NSUN3: variants seen among roughly 807,000 people sequenced by gnomAD.
NSUN3 encodes the protein NOP2/Sun RNA methyltransferase 3, also known as tRNA (cytosine(34)-C(5))-methyltransferase, mitochondrial.
In NSUN3, 24 loss-of-function variants were observed where a neutral mutation model predicts 36.8. The observed-to-expected ratio is 0.65, with a 90% CI of 0.47 to 0.92. NSUN3 has a LOEUF of 0.92. Among genes scored for constraint, NSUN3 ranks in the 40% least tolerant of loss-of-function variants. The pLI, the probability that NSUN3 is intolerant of heterozygous loss-of-function variation, is 0.00. For synonymous variants in NSUN3, 146 were observed against 145.2 expected (o/e 1.01, Z -0.04); for missense variants, 381 against 392.8 (o/e 0.97, Z 0.25).
intron 5 of NSUN3, among the ~76,000 whole-genome samples, chr3:94,112,483 A>G (rs377763828): frequency 3.9e-5 from 6 of 152,316 alleles, no homozygotes; most frequent in African/African-American, 1.4e-4. Context: ...GACTTAAATA[A>G]GAATCTGAGT....
chr3:94,106,812 C>T (rs930156869), intron 5 of NSUN3, among the ~76,000 whole-genome samples: 1 of 150,472 alleles, frequency 6.6e-6, no homozygotes, highest in Non-Finnish European at 1.5e-5. Flanking sequence ...AACAGAAATA[C>T]TGGAAAGGAA....
intron 5 of NSUN3, among the ~76,000 whole-genome samples, chr3:94,112,966 G>A (rs1388634976): frequency 7.9e-5 from 12 of 152,142 alleles, no homozygotes; most frequent in African/African-American, 2.7e-4. Flanking sequence ...CCGGGTTCAT[G>A]CCATTCTCCT....
chr3:94,094,324 G>T, intron 4 of NSUN3, 30 bp downstream of exon 4: 1 of 1,594,532 alleles, frequency 6.3e-7, no homozygotes, highest in South Asian at 1.1e-5. Context: ...ACAAACTGAT[G>T]GACGCCCAGT....
At chr3:94,073,070 G>A (rs1175245888) in intron 2 of NSUN3, among the ~76,000 whole-genome samples, 2 of 152,096 alleles carry the variant, frequency 1.3e-5, no homozygotes, top group Non-Finnish European at 2.9e-5. Context: ...TTTCTGTTCT[G>A]TGATAGTTTG....
chr3:94,113,276 A>G (rs1261394836), intron 5 of NSUN3, among the ~76,000 whole-genome samples: 2 of 152,200 alleles, frequency 1.3e-5, no homozygotes, highest in Non-Finnish European at 2.9e-5. Flanking sequence ...CTGCCATTAA[A>G]AGTATGAGCT....
chr3:94,097,405 T>G (rs2077346899), intron 5 of NSUN3, among the ~76,000 whole-genome samples: 1 of 152,170 alleles, frequency 6.6e-6, no homozygotes, highest in Non-Finnish European at 1.5e-5. Flanking sequence ...CTTTTCCATG[T>G]AGATCTACTT....
Position 94,084,273 on chromosome 3 carries a change from C to G in NSUN3, c.289C>G (p.Pro97Ala). 1 of 1,614,104 alleles carries G rather than the reference C, an allele frequency of 6.2e-7. No individual in the cohort carries two copies. The highest frequency in any genetic ancestry group is 1.1e-5 in the South Asian group (1 of 91,078). The part of the protein sequence containing the change: ...KSVKCYLSRT[P>A]GRIPSERHQI... ...AGTGAAGTGTTACCTTAGCAGAACTCCGGGCCGAATCCCTTCAGAAAGACA... is the reference window on the plus strand; with the variant it reads ...AGTGAAGTGTTACCTTAGCAGAACTGCGGGCCGAATCCCTTCAGAAAGACA... Residue 97 changes from proline to alanine, a missense_variant, in exon 3 of 6, where the codon CCG becomes GCG. Pro to Ala is a conservative substitution (Grantham distance 27, BLOSUM62 -1). Transcript: ENST00000314622.
chr3:94,126,183 T>C (rs372748830), intron 5 of NSUN3, 28 bp from the exon 6 acceptor site: 2 of 1,582,872 alleles, frequency 1.3e-6, no homozygotes, highest in African/African-American at 2.7e-5. Flanking sequence ...ACTTAACTAA[T>C]CTTTTGCATT....
chr3:94,085,965 A>G (rs182327745), intron 3 of NSUN3, among the ~76,000 whole-genome samples: 5 of 147,100 alleles, frequency 3.4e-5, no homozygotes, highest in African/African-American at 1.3e-4. Context: ...TTTTTTTGAG[A>G]TGGAGTCTCG....
intron 5 of NSUN3, among the ~76,000 whole-genome samples, chr3:94,111,202 C>T (rs983725146): frequency 6.6e-6 from 1 of 151,966 alleles, no homozygotes; most frequent in Non-Finnish European, 1.5e-5. Context: ...TAAAAATATG[C>T]TATAAAAGAT....
chr3:94,095,523 T>C (rs1215279934), intron 5 of NSUN3, among the ~76,000 whole-genome samples: 1 of 152,200 alleles, frequency 6.6e-6, no homozygotes, highest in Non-Finnish European at 1.5e-5. Flanking sequence ...GATGCATGTT[T>C]TGTTATTGTT....
rs750978475 is a variant in NSUN3, at chr3:94,130,513, T to G, written c.*4023T>G. Among the ~76,000 whole-genome samples, 25 of 152,230 alleles carry G rather than the reference T, an allele frequency of 1.6e-4. No individual in the cohort carries two copies. The highest frequency in any genetic ancestry group is 3.4e-4 in the Non-Finnish European group (23 of 68,034). On this transcript the variant is annotated 3_prime_UTR_variant, in exon 6 of 6. Coordinates refer to ENST00000314622, the MANE Select transcript of NSUN3 (RefSeq NM_022072.5). The stretch of plus-strand genomic sequence containing the variant: ...CTCTCTAGCAACTTTGCGTGAATTT[T>G]TATACAAACACTTATGAGTTATATA...
chr3:94,075,741 C>A (rs1442121347), intron 2 of NSUN3, among the ~76,000 whole-genome samples: 1 of 151,658 alleles, frequency 6.6e-6, no homozygotes, highest in African/African-American at 2.4e-5. Context: ...CCCCCCCCCC[C>A]AATAATATTT....
chr3:94,114,322 G>T (rs2077430909), intron 5 of NSUN3, among the ~76,000 whole-genome samples: 1 of 152,046 alleles, frequency 6.6e-6, no homozygotes, highest in Non-Finnish European at 1.5e-5. Context: ...GCTTTAATTA[G>T]CTGTGTCACT....
chr3:94,070,871 C>G (rs187980006), intron 2 of NSUN3, among the ~76,000 whole-genome samples: 143 of 152,280 alleles, frequency 9.4e-4, no homozygotes, highest in African/African-American at 3.3e-3. Flanking sequence ...AGTAAAGGAG[C>G]CTTGATTGAG....
intron 2 of NSUN3, among the ~76,000 whole-genome samples, chr3:94,074,249 T>C (rs2077237568): frequency 6.6e-6 from 1 of 152,224 alleles, no homozygotes; most frequent in Non-Finnish European, 1.5e-5. Flanking sequence ...CCTCCAGCTT[T>C]GTTCTTTTTC....
chr3:94,127,359 T>A lies in NSUN3; in HGVS notation c.*869T>A, dbSNP rs1261937229. 2 of 152,230 alleles carry A rather than the reference T, an allele frequency of 1.3e-5. No homozygotes were observed. The highest frequency in any genetic ancestry group is 2.9e-5 in the Non-Finnish European group (2 of 68,034). 9.4% of individuals were successfully genotyped at this position (152,230 alleles called of 1,614,324 possible). On this transcript the variant is annotated 3_prime_UTR_variant, in exon 6 of 6. Transcript: ENST00000314622. ...ATCTGATTATCTTACATTCACAATC[T>A]GGAGGGGCTTTTTATTTCACTTTGT...
intron 3 of NSUN3, among the ~76,000 whole-genome samples, chr3:94,088,908 A>T (rs1225270907): frequency 6.6e-6 from 1 of 151,910 alleles, no homozygotes; most frequent in Non-Finnish European, 1.5e-5. Flanking sequence ...ACCTCAGGCG[A>T]TCCACCGGCC....
chr3:94,101,000 T>A (rs2077363672), intron 5 of NSUN3, among the ~76,000 whole-genome samples: 2 of 152,064 alleles, frequency 1.3e-5, no homozygotes, highest in South Asian at 4.2e-4. Context: ...TTTAAAAAAA[T>A]ATTTTAGAGA....
Sources: gnomAD v4.1 joint callset for allele counts (sites outside exome capture counted in the v4.1 genomes callset) on GRCh38, gnomAD v4.1.1 for gene constraint, MANE v1.5 for transcripts, NCBI Gene and HGNC (gene_info 2026-07-23, HGNC 2026-07-21) for gene names.